The following PCDH15 variants were observed in gnomAD, a reference collection of about 807,000 sequenced individuals.
The protein encoded by PCDH15 is protocadherin related 15.
Under a neutral mutation model 178.5 loss-of-function variants are expected in PCDH15, and 129 were observed. The observed-to-expected ratio is 0.72, with a 90% confidence interval of 0.63 to 0.84. PCDH15 has a LOEUF of 0.84. Among genes scored for constraint, PCDH15 ranks in the 40% least tolerant of loss-of-function variants. The pLI, the probability that PCDH15 is intolerant of heterozygous loss-of-function variation, is 0.00. For synonymous variants in PCDH15, 800 were observed against 732.0 expected (o/e 1.09, Z -1.50); for missense variants, 2,230 against 2,099.9 (o/e 1.06, Z -1.21).
At chr10:55,164,284 A>G (rs181863719) in intron 2 of PCDH15, among the ~76,000 whole-genome samples, 49 of 152,118 alleles carry the variant, frequency 3.2e-4, no homozygotes, top group African/African-American at 1.0e-3. Context: ...GGTTTCACCT[A>G]TTCAACATAA....
chr10:54,985,933 C>T (rs1216316913), intron 2 of PCDH15, among the ~76,000 whole-genome samples: 3 of 152,128 alleles, frequency 2.0e-5, no homozygotes, highest in Non-Finnish European at 2.9e-5. Flanking sequence ...CACTAGGTGG[C>T]GTTAGGCCTT....
At chr10:53,945,177 G>A (rs1564830397) in intron 23 of PCDH15, among the ~76,000 whole-genome samples, 1 of 152,042 alleles carries the variant, frequency 6.6e-6, no homozygotes. Context: ...TAATAAAAAT[G>A]TTATTGAGAA....
chr10:55,178,066 C>T lies in PCDH15; in HGVS notation c.-155-11415G>A, dbSNP rs1017639189. 2.6e-5 allele frequency among the ~76,000 whole-genome samples: 4 copies of T among 152,262 alleles called. No individual in the cohort carries two copies. The South Asian group carries it at 8.3e-4, about 32-fold the overall frequency. On this transcript the variant is annotated intron_variant, in intron 1 of 5. Coordinates refer to the PCDH15 transcript ENST00000458638. ...ATTCTAAGTATGTTTTCCTAATCCT[C>T]CATGCCCATGCCAATATCTGGAAAG...
chr10:55,332,133 A>G (rs1375496311), intron 2 of PCDH15, among the ~76,000 whole-genome samples: 1 of 152,150 alleles, frequency 6.6e-6, no homozygotes, highest in African/African-American at 2.4e-5. Flanking sequence ...TTATTAGGAT[A>G]CTTGTTTCTC....
intron 2 of PCDH15, among the ~76,000 whole-genome samples, chr10:55,059,039 G>A (rs968410558): frequency 6.6e-6 from 1 of 152,112 alleles, no homozygotes; most frequent in Admixed American, 6.6e-5. Flanking sequence ...GTGAAATCAC[G>A]TTCTAGAGCT....
At chr10:54,151,354 A>C (rs2044510393) in intron 14 of PCDH15, among the ~76,000 whole-genome samples, 1 of 152,140 alleles carries the variant, frequency 6.6e-6, no homozygotes, top group Admixed American at 6.6e-5. Context: ...GAGCCTGGGC[A>C]ACATAGCAAA....
rs184326434 is a variant in PCDH15 at position 54,307,476 on chromosome 10, C to T, written c.876+9795G>A. Reference sequence around the variant, plus strand: ...TGTGGGACAATTTGGAAAACATTACCATAATCTATTGTTTTTATATTTATT... The same window carrying T: ...TGTGGGACAATTTGGAAAACATTACTATAATCTATTGTTTTTATATTTATT... On this transcript the variant is annotated intron_variant, in intron 8 of 37. Transcript: ENST00000644397. 1.6e-3 allele frequency among the ~76,000 whole-genome samples: 248 copies of T among 151,490 alleles called. 1 individual carries two copies. Among genetic ancestry groups the T allele is most frequent in the African/African-American group, 3.7e-3 (151 of 41,338 alleles).
intron 20 of PCDH15, among the ~76,000 whole-genome samples, chr10:54,018,093 T>C (rs2092800021): frequency 2.0e-5 from 3 of 152,214 alleles, no homozygotes; most frequent in East Asian, 3.9e-4. Flanking sequence ...TCATTTCAAA[T>C]AAAAGAAAAT....
At chr10:54,495,889 C>G (rs1304597335) in intron 3 of PCDH15, among the ~76,000 whole-genome samples, 1 of 152,138 alleles carries the variant, frequency 6.6e-6, no homozygotes, top group African/African-American at 2.4e-5. Flanking sequence ...TGAATGTGCT[C>G]TCTTCTTAAT....
chr10:54,100,826 G>A (rs1015195981), intron 15 of PCDH15, among the ~76,000 whole-genome samples: 2 of 151,744 alleles, frequency 1.3e-5, no homozygotes, highest in Non-Finnish European at 2.9e-5. Context: ...ACCACTTAAG[G>A]TGGGGGGGGA....
exon 2 of PCDH15, chr10:55,166,599 A>G (rs1427281653): frequency 1.3e-5 from 2 of 152,054 alleles, no homozygotes; most frequent in Non-Finnish European, 2.9e-5. Context: ...CCTTTTGTCA[A>G]CCTCTAGGTC....
intron 3 of PCDH15, among the ~76,000 whole-genome samples, chr10:54,439,704 C>T (rs1482619082): frequency 6.6e-6 from 1 of 151,476 alleles, no homozygotes; most frequent in Non-Finnish European, 1.5e-5. Context: ...TGCAGTTAAA[C>T]TGCCCTCATC....
chr10:54,398,084 TG>T (rs1468337367), intron 3 of PCDH15, among the ~76,000 whole-genome samples: 1 of 151,986 alleles, frequency 6.6e-6, no homozygotes, highest in Non-Finnish European at 1.5e-5. Flanking sequence ...AGAGATCAGA[TG>T]GTAAGGTTTT....
chr10:55,366,341 A>G (rs1845360703), intron 2 of PCDH15: 1 of 152,128 alleles, frequency 6.6e-6, no homozygotes, highest in Non-Finnish European at 1.5e-5. Flanking sequence ...AATTCTGCTG[A>G]CTTATTTTTA....
chr10:53,878,320 TATATAGTCTATATAG>T (rs1564665818), intron 26 of PCDH15, among the ~76,000 whole-genome samples: 1 of 141,052 alleles, frequency 7.1e-6, no homozygotes, highest in Non-Finnish European at 1.5e-5. Context: ...ATATTCTATA[TATATAGTCTATATAG>T]TCTATATATA....
At chr10:54,372,827 T>C (rs1467425731) in intron 4 of PCDH15, among the ~76,000 whole-genome samples, 1 of 151,824 alleles carries the variant, frequency 6.6e-6, no homozygotes, top group Non-Finnish European at 1.5e-5. Context: ...TAAAAATGAG[T>C]GCTTAACACA....
chr10:54,081,769 A>C (rs1318175365), intron 16 of PCDH15, among the ~76,000 whole-genome samples: 2 of 152,184 alleles, frequency 1.3e-5, no homozygotes, highest in African/African-American at 4.8e-5. Context: ...TCTTCAATTG[A>C]TAAAGCATCA....
chr10:54,417,573 C>G (rs1448421557), intron 3 of PCDH15, among the ~76,000 whole-genome samples: 1 of 151,858 alleles, frequency 6.6e-6, no homozygotes. Context: ...ATAGCACTAG[C>G]AAAACAGGAA....
At chr10:54,579,730 C>T (rs2090858283) in intron 2 of PCDH15, among the ~76,000 whole-genome samples, 2 of 151,856 alleles carry the variant, frequency 1.3e-5, no homozygotes, top group Admixed American at 1.3e-4. Flanking sequence ...ACATGCTCAG[C>T]CATAAAGCAA....
Sources: gnomAD v4.1 joint callset for allele counts (sites outside exome capture counted in the v4.1 genomes callset) on GRCh38, gnomAD v4.1.1 for gene constraint, MANE v1.5 for transcripts, NCBI Gene and HGNC (gene_info 2026-07-23, HGNC 2026-07-21) for gene names.